The following GTPBP1 variants were observed in gnomAD, a reference collection of about 807,000 sequenced individuals.
GTPBP1 encodes GTP binding protein 1.
In GTPBP1, 23 loss-of-function variants were observed where a neutral mutation model predicts 62.0. That is an observed-to-expected ratio of 0.37 (90% CI 0.27 to 0.53). The LOEUF is 0.53. Ranked by LOEUF, GTPBP1 falls within the 20% of genes least tolerant of loss-of-function variation. The pLI is 0.89. For missense variants in GTPBP1, 640 were observed against 917.3 expected (o/e 0.70, Z 3.90); for synonymous variants, 344 against 364.4 (o/e 0.94, Z 0.64).
In GTPBP1 at chr22:38,727,940, C is replaced by T. The variant is rs1471078517; in HGVS notation, c.1538-43C>T. The T allele has an allele frequency of 1.3e-6, 2 of 1,496,144 alleles. No individual in the cohort carries two copies. The highest frequency in any genetic ancestry group is 1.9e-6 in the Non-Finnish European group (2 of 1,074,204). 92.7% of individuals were successfully genotyped at this position (1,496,144 alleles called of 1,614,324 possible). ...ACTGCCTCCCGTTGTCCTGAAGCCA[C>T]CAGGTGGCTCCAGCCTATCCTGACC... On this transcript the variant is annotated intron_variant, in intron 9 of 11. Transcript: ENST00000216044. This position sits in a 1 kb window ranked among gnomAD's most constrained non-coding sequence, Gnocchi z 6.5.
chr22:38,729,316 A>G, intron 10 of GTPBP1, 146 bp from the exon 11 acceptor site: 2 of 584,826 alleles, frequency 3.4e-6, no homozygotes, highest in Non-Finnish European at 6.0e-6. Context: ...CTCCTGTCAC[A>G]GCCTTCCTGC....
rs140213217 is a variant in GTPBP1, at chr22:38,731,597, C to G, written c.*893C>G. On this transcript the variant is annotated 3_prime_UTR_variant, in exon 12 of 12. Coordinates refer to ENST00000216044, the MANE Select transcript of GTPBP1 (RefSeq NM_004286.5). ...CCCGGCCTGGAGCCTCCCATCACCC[C>G]GCTTCTTGTTGGGCCTCAGGCACTG... 4 of 152,754 alleles carry G rather than the reference C, an allele frequency of 2.6e-5. No individual in the cohort carries two copies. Among genetic ancestry groups the G allele is most frequent in the Non-Finnish European group, 5.9e-5 (4 of 68,130 alleles). The allele number at this position is 152,754 out of a possible 1,614,324, so 9.5% of individuals were successfully genotyped here.
chr22:38,713,508 G>A lies in GTPBP1; in HGVS notation c.305-2399G>A, dbSNP rs545123985. Among the ~76,000 whole-genome samples the A allele has an allele frequency of 1.6e-4, 24 of 152,312 alleles. 1 individual carries two copies. Among genetic ancestry groups the A allele is most frequent in the Admixed American group, 7.2e-4 (11 of 15,298 alleles). ...GGATTGGCAAAAAGGGCAGACATCA[G>A]GGAAGGAGGCAAGGTAAAATGCTAG... On this transcript the variant is annotated intron_variant, in intron 2 of 11. Coordinates refer to ENST00000216044, the MANE Select transcript of GTPBP1 (RefSeq NM_004286.5).
chr22:38,726,192 A>G lies in GTPBP1; in HGVS notation c.1218+42A>G, dbSNP rs200822368. 6.8e-6 allele frequency: 11 copies of G among 1,609,462 alleles called. No homozygotes were observed. The highest frequency in any genetic ancestry group is 2.7e-5 in the African/African-American group (2 of 74,936). The stretch of plus-strand genomic sequence containing the variant: ...GGGTAGCTGGGTGGGCACTTCCTAC[A>G]GTGGCATCAGGGGGTGGGTCTGTGC... On this transcript the variant is annotated intron_variant, in intron 7 of 11. Coordinates refer to ENST00000216044, the MANE Select transcript of GTPBP1 (RefSeq NM_004286.5). The surrounding 1 kb of genome is among the most constrained non-coding windows in gnomAD (Gnocchi z 4.1).
downstream of GTPBP1, chr22:38,735,300 A>G: frequency 2.2e-6 from 1 of 451,484 alleles, no homozygotes; most frequent in East Asian, 7.0e-5. Context: ...CGACCCCTAC[A>G]TCAGGGCCTG....
downstream of GTPBP1, chr22:38,742,638 CAGAA>C (rs745465749): frequency 5.1e-5 from 76 of 1,489,662 alleles, no homozygotes; most frequent in Non-Finnish European, 6.6e-5. Context: ...ACAGCCAACA[CAGAA>C]AGAAAGGGAA....
intron 2 of GTPBP1, among the ~76,000 whole-genome samples, chr22:38,709,680 G>T (rs150757293): frequency 1.2e-3 from 182 of 152,256 alleles, no homozygotes; most frequent in Middle Eastern, 6.8e-3. Flanking sequence ...GAGGACCTCC[G>T]TGATTCTTCT....
At chr22:38,739,962 G>GGCT, downstream of GTPBP1, 11 of 1,605,436 alleles carry the variant, frequency 6.9e-6, no homozygotes, top group Non-Finnish European at 9.3e-6. The surrounding 1 kb of genome is among the most constrained non-coding windows in gnomAD (Gnocchi z 6.7). Context: ...ACCCAAAGGG[G>GGCT]TGTCACCCTG....
chr22:38,726,514 C>G lies in GTPBP1; in HGVS notation c.1401+74C>G. Reference sequence around the variant, plus strand: ...GCTCTTGGCCAGATGCCCTGCTCACCCACTCTAGTCCTCATGGCTGCTCTG... The same window carrying G: ...GCTCTTGGCCAGATGCCCTGCTCACGCACTCTAGTCCTCATGGCTGCTCTG... On this transcript the variant is annotated intron_variant, in intron 8 of 11. Coordinates refer to ENST00000216044, the MANE Select transcript of GTPBP1 (RefSeq NM_004286.5). This position sits in a 1 kb window ranked among gnomAD's most constrained non-coding sequence, Gnocchi z 4.1. 4 of 1,237,914 alleles carry G rather than the reference C, an allele frequency of 3.2e-6. No individual in the cohort carries two copies. The highest frequency in any genetic ancestry group is 4.6e-5 in the East Asian group (2 of 43,018). 76.7% of individuals were successfully genotyped at this position (1,237,914 alleles called of 1,614,324 possible). A position where few individuals can be genotyped will look rare whatever the true frequency, so the allele number is the denominator to read the frequency against.
At chr22:38,735,335 C>T, downstream of GTPBP1, 1 of 429,972 alleles carries the variant, frequency 2.3e-6, no homozygotes, top group Non-Finnish European at 4.6e-6. Context: ...CCGGTGCAGA[C>T]AGACCTCGCA....
At chr22:38,719,130 C>G (rs529430044) in intron 4 of GTPBP1, among the ~76,000 whole-genome samples, 1 of 152,096 alleles carries the variant, frequency 6.6e-6, no homozygotes, top group South Asian at 2.1e-4. Context: ...CTCAGCTTCC[C>G]GAGTAGCTGG....
At chr22:38,736,136 C>G (rs778676789), downstream of GTPBP1, 7 of 900,516 alleles carry the variant, frequency 7.8e-6, no homozygotes, top group South Asian at 9.9e-5. Context: ...CCGTCCTTTT[C>G]ATCTGCATGG....
At chr22:38,720,540 C>T (rs1193401934) in intron 4 of GTPBP1, among the ~76,000 whole-genome samples, 2 of 152,076 alleles carry the variant, frequency 1.3e-5, no homozygotes, top group African/African-American at 4.8e-5. Context: ...GAACACTCAC[C>T]TCTTTTTATG....
chr22:38,716,185 CTGAGGCGGGGAA>C lies in GTPBP1; in HGVS notation c.485+99_485+110del. 2.0e-6 allele frequency: 2 copies of C among 987,934 alleles called. No individual in the cohort carries two copies. Among genetic ancestry groups the C allele is most frequent in the Non-Finnish European group, 1.5e-6 (1 of 646,826 alleles). 61.2% of individuals were successfully genotyped at this position (987,934 alleles called of 1,614,324 possible). The stretch of plus-strand genomic sequence containing the variant: ...CGTGTCAGCTCCATCCTTTCCCCTC[CTGAGGCGGGGAA>C]AGAGTGTCCAGGTGTCTGGAGACGT... On this transcript the variant is annotated intron_variant, in intron 3 of 11. Transcript: ENST00000216044. The surrounding 1 kb of genome is among the most constrained non-coding windows in gnomAD (Gnocchi z 5.2).
At chr22:38,721,585 TCTC>T (rs1445438591) in intron 4 of GTPBP1, among the ~76,000 whole-genome samples, 154 bp from the exon 5 acceptor site, 2 of 152,170 alleles carry the variant, frequency 1.3e-5, no homozygotes, top group Non-Finnish European at 2.9e-5. Flanking sequence ...TGTTTGCAAG[TCTC>T]CTCCGATTTT....
Position 38,726,337 on chromosome 22 carries a change from C to T in GTPBP1, c.1298C>T (p.Pro433Leu), listed in dbSNP as rs142534395. The T allele has an allele frequency of 6.2e-7, 1 of 1,613,952 alleles. No homozygotes were observed. The highest frequency in any genetic ancestry group is 8.5e-7 in the Non-Finnish European group (1 of 1,179,996). The change falls in exon 8 of 12, where the codon CCC becomes CTC. Residue 433 changes from proline (P) to leucine (L), a missense_variant. By Grantham distance (98) the Pro-to-Leu change is moderately conservative (BLOSUM62 -3). Transcript: ENST00000216044. The surrounding 1 kb of genome is among the most constrained non-coding windows in gnomAD (Gnocchi z 4.1). ...LNDTLLLGPD[P>L]LGNFLSIAVK... ...GACACGCTGCTGCTGGGCCCAGACC[C>T]CTTGGGTAACTTCCTGTCCATTGCT...
intron 5 of GTPBP1, 91 bp downstream of exon 5, chr22:38,721,956 A>G (rs1337982135): frequency 6.0e-6 from 5 of 829,458 alleles, no homozygotes; most frequent in Admixed American, 5.8e-5. Flanking sequence ...GCTTTAGCCC[A>G]GAAACTTCTT....
Position 38,726,637 on chromosome 22 carries a change from G to A in GTPBP1, c.1401+197G>A, listed in dbSNP as rs2092728222. On this transcript the variant is annotated intron_variant, in intron 8 of 11. Coordinates refer to ENST00000216044, the MANE Select transcript of GTPBP1 (RefSeq NM_004286.5). The surrounding 1 kb of genome is among the most constrained non-coding windows in gnomAD (Gnocchi z 4.1). The stretch of plus-strand genomic sequence containing the variant: ...ACACACAGCTTGTAAGTGCTAGAGC[G>A]AGGAATGCCTCCTTCTAAGCTCCGT... 6.6e-6 allele frequency among the ~76,000 whole-genome samples: 1 copy of A among 152,188 alleles called. No homozygotes were observed. The highest frequency in any genetic ancestry group is 2.1e-4 in the South Asian group (1 of 4,834).
chr22:38,705,976 C>T lies in GTPBP1; in HGVS notation c.21C>T (p.Arg7=), dbSNP rs1243612587. The T allele has an allele frequency of 2.1e-6, 3 of 1,449,442 alleles. No individual in the cohort carries two copies. Among genetic ancestry groups the T allele is most frequent in the African/African-American group, 2.9e-5 (2 of 68,128 alleles). The allele number at this position is 1,449,442 out of a possible 1,614,324, so 89.8% of individuals were successfully genotyped here. Residue 7 remains arginine, a synonymous_variant, in exon 1 of 12, where the codon CGC becomes CGT. Coordinates refer to ENST00000216044, the MANE Select transcript of GTPBP1 (RefSeq NM_004286.5). MATERS[R]SAMDSPVPAS... ...TAAAGATGGCGACGGAGCGCAGTCGCTCCGCGATGGACTCGCCGGTCCCGG... is the reference window on the plus strand; with the variant it reads ...TAAAGATGGCGACGGAGCGCAGTCGTTCCGCGATGGACTCGCCGGTCCCGG...
Sources: gnomAD v4.1 joint callset for allele counts (sites outside exome capture counted in the v4.1 genomes callset) on GRCh38, gnomAD v4.1.1 for gene constraint, Gnocchi (gnomAD v3.1) non-coding constraint, MANE v1.5 for transcripts, NCBI Gene and HGNC (gene_info 2026-07-23, HGNC 2026-07-21) for gene names.